Variants in UBXN11 observed in about 807,000 individuals in gnomAD.
The protein encoded by UBXN11 is UBX domain protein 11, also known as UBX domain-containing protein 11.
In UBXN11, 47 loss-of-function variants were observed where a neutral mutation model predicts 62.8. The ratio of observed to expected loss-of-function variants is 0.75; its 90% CI spans 0.59 to 0.95. UBXN11 has a LOEUF of 0.95. Among genes scored for constraint, UBXN11 ranks in the 40% least tolerant of loss-of-function variants. UBXN11 has a pLI of 0.00. For synonymous variants in UBXN11, 294 were observed against 267.0 expected, an observed-to-expected ratio of 1.10 and a Z score of -0.99; for missense variants, 638 against 661.7, an observed-to-expected ratio of 0.96 and a Z score of 0.39.
chr1:26,289,373 C>T (rs1303642591), intron 8 of UBXN11, among the ~76,000 whole-genome samples: 2 of 152,078 alleles, frequency 1.3e-5, no homozygotes, highest in Non-Finnish European at 2.9e-5. Flanking sequence ...TGCTAGGAGC[C>T]ACCCCCAACC....
chr1:26,284,801 T>C (rs1455276278), intron 10 of UBXN11: 2 of 1,116,126 alleles, frequency 1.8e-6, no homozygotes, highest in African/African-American at 1.6e-5. Flanking sequence ...CCTGCTTTTT[T>C]CCAGTCTGCA....
chr1:26,306,674 C>T (rs2073675933), upstream of UBXN11: 1 of 152,228 alleles, frequency 6.6e-6, no homozygotes, highest in Non-Finnish European at 1.5e-5. Context: ...GTGCACTTCT[C>T]ATTGGCTAGT....
intron 1 of UBXN11, among the ~76,000 whole-genome samples, chr1:26,315,960 CTTTT>C (rs34193565): frequency 8.7e-6 from 1 of 114,538 alleles, no homozygotes; most frequent in East Asian, 2.5e-4. Flanking sequence ...GTTTCCTGGC[CTTTT>C]TTTTTTTTTT....
intron 1 of UBXN11, among the ~76,000 whole-genome samples, chr1:26,311,830 A>G (rs1459747584): frequency 6.6e-6 from 1 of 152,180 alleles, no homozygotes; most frequent in Non-Finnish European, 1.5e-5. Context: ...TCTGAGGTTA[A>G]AGAGTTTATT....
intron 8 of UBXN11, among the ~76,000 whole-genome samples, chr1:26,286,774 A>G (rs2073142896): frequency 6.6e-6 from 1 of 152,166 alleles, no homozygotes; most frequent in African/African-American, 2.4e-5. Context: ...ATCTTGGATC[A>G]CCGCAACCTT....
chr1:26,284,192 G>A lies in UBXN11; in HGVS notation c.1027C>T (p.Arg343Trp), dbSNP rs368855501. The stretch of plus-strand genomic sequence containing the variant: ...CGGATGTCAATCACCTCGCCTTGCC[G>A]GATCACAAACTTGGGGAGCCTGTTC... ...FLNRLPKFVIRQGEVIDIRGP... is the reference protein window; with the variant it reads ...FLNRLPKFVIWQGEVIDIRGP... The change falls in exon 12 of 15, where the codon CGG (arginine) becomes TGG (tryptophan). Residue 343 changes from arginine to tryptophan, a missense_variant. Arg to Trp is a moderately radical substitution (Grantham distance 101). Coordinates refer to ENST00000374222, the MANE Select transcript of UBXN11 (RefSeq NM_001389556.1). 57 of 1,613,056 alleles carry A rather than the reference G, an allele frequency of 3.5e-5. No homozygotes were observed. The highest frequency in any genetic ancestry group is 3.3e-4 in the Middle Eastern group (2 of 6,076).
intron 8 of UBXN11, 63 bp downstream of exon 8, chr1:26,294,142 G>A (rs750114903): frequency 1.9e-6 from 3 of 1,592,962 alleles, no homozygotes; most frequent in Non-Finnish European, 1.7e-6. Flanking sequence ...GGAGCTGCCG[G>A]CCAACAGCAA....
chr1:26,311,969 C>T (rs1305575118), intron 1 of UBXN11, among the ~76,000 whole-genome samples: 2 of 152,188 alleles, frequency 1.3e-5, no homozygotes, highest in Non-Finnish European at 2.9e-5. Context: ...CCACCTTAGA[C>T]GAAGCCCTCA....
chr1:26,284,300 C>G (rs2073073085), intron 11 of UBXN11, 55 bp from the exon 12 acceptor site: 3 of 1,609,934 alleles, frequency 1.9e-6, no homozygotes, highest in Admixed American at 1.7e-5. Flanking sequence ...GGTGGTGGAG[C>G]CCCCCTGGAG....
rs541301773 is a variant in UBXN11, at chr1:26,312,378, G to A, written c.-149+5669C>T. ...CGATTCTCCTGCCTCAGCGTCCTGA[G>A]TAGCTGAGATTACAGGTGCATGCCA... On this transcript the variant is annotated intron_variant, in intron 1 of 14. Coordinates refer to the UBXN11 transcript ENST00000374217. Among the ~76,000 whole-genome samples the A allele has an allele frequency of 6.6e-5, 10 of 152,138 alleles. No homozygotes were observed. In the East Asian group the frequency reaches 2.0e-3, roughly 30 times the overall value.
intron 1 of UBXN11, among the ~76,000 whole-genome samples, chr1:26,316,020 C>T (rs957314317): frequency 6.8e-6 from 1 of 146,050 alleles, no homozygotes; most frequent in African/African-American, 2.6e-5. Context: ...AGTGCAGTGC[C>T]ACAATCATGG....
chr1:26,301,565 C>T (rs1295005648), intron 3 of UBXN11, 129 bp downstream of exon 3: 3 of 1,340,824 alleles, frequency 2.2e-6, no homozygotes, highest in East Asian at 2.5e-5. Context: ...GGGAGCTGCA[C>T]AGAACACGGT....
chr1:26,316,045 G>A (rs2124683200), intron 1 of UBXN11, among the ~76,000 whole-genome samples: 1 of 148,604 alleles, frequency 6.7e-6, no homozygotes, highest in South Asian at 2.1e-4. Flanking sequence ...TTGCAGCCTG[G>A]GCCTCCCAGG....
chr1:26,300,976 A>T lies in UBXN11; in HGVS notation c.149T>A (p.Ile50Asn). ...LSDGCGSEEKISVPSCYGGIG... is the reference protein window; with the variant it reads ...LSDGCGSEEKNSVPSCYGGIG... ...GCCGCCATAGCAGGAAGGGACTGAG[A>T]TCTTTTCTTCTGAGCCACACCCATC... The change falls in exon 4 of 15, where the codon ATC becomes AAC. Residue 50 changes from isoleucine to asparagine, a missense_variant. Physicochemically the swap from Ile to Asn is moderately radical, Grantham distance 149. Coordinates refer to ENST00000374222, the MANE Select transcript of UBXN11 (RefSeq NM_001389556.1). 1 of 1,614,134 alleles carries T rather than the reference A, an allele frequency of 6.2e-7. No individual in the cohort carries two copies. Among genetic ancestry groups the T allele is most frequent in the Non-Finnish European group, 8.5e-7 (1 of 1,180,006 alleles).
At chr1:26,295,736 ACT>A (rs1184079394) in intron 7 of UBXN11, among the ~76,000 whole-genome samples, 1 of 151,550 alleles carries the variant, frequency 6.6e-6, no homozygotes, top group Non-Finnish European at 1.5e-5. Flanking sequence ...AAGTCACAGC[ACT>A]CTCTGTACTT....
chr1:26,288,759 C>G (rs1031781426), intron 8 of UBXN11, among the ~76,000 whole-genome samples: 10 of 152,190 alleles, frequency 6.6e-5, no homozygotes, highest in Non-Finnish European at 1.3e-4. Flanking sequence ...GCTGGTGAAC[C>G]TGTCTGTAAA....
rs147381440 is a variant in UBXN11, at chr1:26,305,034, T to G, written c.-36+1558A>C. ...TTTTTATTTGAAAATTATTATAGAT[T>G]CACAGGAAATTAGGAAAATAGTACA... On this transcript the variant is annotated intron_variant, in intron 1 of 14. Transcript: ENST00000374222. Among the ~76,000 whole-genome samples, 19 of 152,282 alleles carry G rather than the reference T, an allele frequency of 1.2e-4. No homozygotes were observed. In the East Asian group the frequency reaches 3.7e-3, roughly 29 times the overall value.
At position 26,297,479 on chromosome 1, in the gene UBXN11, A is replaced by C; in HGVS notation, c.303T>G (p.Asp101Glu). The stretch of plus-strand genomic sequence containing the variant: ...GGTCCTCTAGGGCCGCTATCTTCTG[A>C]TCCTGTAGCATAAGACACAGGGTGA... ...KAQTDEILSK[D>E]QKIAALEDLV... The change falls in exon 6 of 15, where the codon GAT becomes GAG. Residue 101 changes from aspartate (D) to glutamate (E), a missense_variant and splice_region_variant. By Grantham distance (45) the Asp-to-Glu change is conservative. Transcript: ENST00000374222. The C allele has an allele frequency of 1.3e-6, 2 of 1,554,670 alleles. No homozygotes were observed. Among genetic ancestry groups the C allele is most frequent in the South Asian group, 2.4e-5 (2 of 84,294 alleles).
upstream of UBXN11, chr1:26,306,886 T>G (rs1387830808): frequency 1.5e-5 from 2 of 137,792 alleles, no homozygotes; most frequent in African/African-American, 5.5e-5. Context: ...AGCCTGGGAT[T>G]AGGTTAATGA....
Sources: gnomAD v4.1 joint callset for allele counts (sites outside exome capture counted in the v4.1 genomes callset) on GRCh38, gnomAD v4.1.1 for gene constraint, MANE v1.5 for transcripts, NCBI Gene and HGNC (gene_info 2026-07-23, HGNC 2026-07-21) for gene names.